Variants in KLKB1 observed in about 807,000 individuals in gnomAD.
KLKB1 encodes the protein kallikrein B1.
KLKB1 carries 58 observed loss-of-function variants against 73.6 expected under a neutral mutation model. That is an observed-to-expected ratio of 0.79 (90% CI 0.64 to 0.98). The LOEUF (loss-of-function observed/expected upper bound fraction) is 0.98. Ranked by LOEUF, KLKB1 falls within the 50% of genes least tolerant of loss-of-function variation. The probability of loss-of-function intolerance (pLI) is 0.00; values close to 1 mark genes in which losing one functional copy is unlikely to be tolerated. For synonymous variants in KLKB1, 280 were observed against 258.1 expected (o/e 1.08, Z -0.81); for missense variants, 737 against 763.8 (o/e 0.96, Z 0.41).
chr4:186,223,476 A>G (rs1038014658), upstream of KLKB1, among the ~76,000 whole-genome samples: 16 of 152,202 alleles, frequency 1.1e-4, no homozygotes, highest in Admixed American at 2.6e-4. Context: ...ACGAGAAACT[A>G]TTGGGAACTG....
At chr4:186,234,371 C>T (rs1056404817) in intron 4 of KLKB1, among the ~76,000 whole-genome samples, 19 of 152,314 alleles carry the variant, frequency 1.2e-4, no homozygotes, top group Middle Eastern at 3.4e-3. Context: ...CACAAGGGAA[C>T]ATCTCTCTCA....
intron 11 of KLKB1, among the ~76,000 whole-genome samples, chr4:186,253,634 ATC>A (rs1364059729): frequency 1.1e-5 from 1 of 88,646 alleles, no homozygotes; most frequent in African/African-American, 4.0e-5. Flanking sequence ...TGCACCTGAT[ATC>A]TCCATCATTT....
At chr4:186,224,346 G>C (rs1045888753), upstream of KLKB1, among the ~76,000 whole-genome samples, 1 of 152,146 alleles carries the variant, frequency 6.6e-6, no homozygotes, top group Non-Finnish European at 1.5e-5. Context: ...TAGATCCACT[G>C]ACTGGAAAGT....
At chr4:186,253,484 ATAG>A (rs1231224287) in intron 11 of KLKB1, among the ~76,000 whole-genome samples, 1 of 152,192 alleles carries the variant, frequency 6.6e-6, no homozygotes, top group Non-Finnish European at 1.5e-5. Context: ...AAGATGGGAA[ATAG>A]TAGGTGTCTT....
chr4:186,254,878 G>A (rs1045623176), intron 12 of KLKB1, 115 bp downstream of exon 12: 11 of 901,222 alleles, frequency 1.2e-5, no homozygotes, highest in Non-Finnish European at 1.7e-5. Context: ...GACTGGTGGA[G>A]TTGAGGGAAA....
chr4:186,246,254 T>C (rs1192004995), intron 6 of KLKB1, among the ~76,000 whole-genome samples: 1 of 151,428 alleles, frequency 6.6e-6, no homozygotes, highest in Non-Finnish European at 1.5e-5. Flanking sequence ...GTCAGATGGG[T>C]CCATAGAAAA....
chr4:186,238,379 T>A lies in KLKB1; in HGVS notation c.598+14T>A. The A allele has an allele frequency of 6.5e-7, 1 of 1,545,468 alleles. No homozygotes were observed. The highest frequency in any genetic ancestry group is 1.4e-5 in the African/African-American group (1 of 73,668). ...TTTCAGAAATTGGTAATTGTAGGAC[T>A]ACTTCACTTTGTGATTGTGGTAGGT... On this transcript the variant is annotated intron_variant, in intron 6 of 14. Transcript: ENST00000264690.
At chr4:186,242,029 T>G (rs1738076601) in intron 6 of KLKB1, among the ~76,000 whole-genome samples, 1 of 152,136 alleles carries the variant, frequency 6.6e-6, no homozygotes, top group African/African-American at 2.4e-5. Context: ...ATCACCTGGG[T>G]GCAGGCAGGC....
At chr4:186,232,793 GA>G (rs755643938) in intron 3 of KLKB1, among the ~76,000 whole-genome samples, 1 of 152,200 alleles carries the variant, frequency 6.6e-6, no homozygotes, top group Non-Finnish European at 1.5e-5. Flanking sequence ...GGCCTATAGT[GA>G]GCCAGTTTGG....
intron 2 of KLKB1, among the ~76,000 whole-genome samples, chr4:186,213,978 T>C (rs932553844): frequency 1.4e-4 from 22 of 152,178 alleles, no homozygotes; most frequent in African/African-American, 4.8e-4. Flanking sequence ...TTCCCCAGCA[T>C]ACACACACTG....
At chr4:186,251,426 G>A (rs1246854528) in intron 8 of KLKB1, 61 bp from the exon 9 acceptor site, 1 of 1,562,840 alleles carries the variant, frequency 6.4e-7, no homozygotes, top group Non-Finnish European at 8.8e-7. Context: ...ACAGAAACTT[G>A]TGTAAATGTC....
chr4:186,245,838 A>ATTTTTTTTTTTTTTTTTTT (rs1554078512), intron 6 of KLKB1, among the ~76,000 whole-genome samples: 1 of 68,468 alleles, frequency 1.5e-5, no homozygotes, highest in African/African-American at 4.0e-5. Flanking sequence ...TTTTTTTTTA[A>ATTTTTTTTTTTTTTTTTTT]TGTCAGGAGC....
chr4:186,234,568 G>A (rs552829765), intron 4 of KLKB1, among the ~76,000 whole-genome samples: 1 of 152,302 alleles, frequency 6.6e-6, no homozygotes, highest in South Asian at 2.1e-4. Context: ...AAGGCACAGG[G>A]CAGTCGTCCA....
intron 14 of KLKB1, 50 bp from the exon 15 acceptor site, chr4:186,257,971 A>G (rs1387769475): frequency 1.3e-6 from 2 of 1,531,782 alleles, no homozygotes; most frequent in South Asian, 2.2e-5. Context: ...CACTTATTTG[A>G]ATCCCATTGT....
At chr4:186,247,535 T>G (rs1036072379) in intron 6 of KLKB1, among the ~76,000 whole-genome samples, 1 of 152,170 alleles carries the variant, frequency 6.6e-6, no homozygotes, top group African/African-American at 2.4e-5. Context: ...CTTCAGTTAC[T>G]TCAGGCCATC....
chr4:186,227,010 G>A (rs934882906), upstream of KLKB1, among the ~76,000 whole-genome samples: 1 of 152,152 alleles, frequency 6.6e-6, no homozygotes, highest in African/African-American at 2.4e-5. Context: ...CTGGCCTGTG[G>A]CAGGCCTGAA....
upstream of KLKB1, among the ~76,000 whole-genome samples, chr4:186,224,385 G>C (rs563824047): frequency 1.8e-4 from 28 of 152,332 alleles, 1 homozygote; most frequent in Middle Eastern, 6.8e-3. Flanking sequence ...GCCCATGAAG[G>C]CAGCCGTAGG....
At chr4:186,236,630 T>C (rs1737702597) in intron 4 of KLKB1, 151 bp from the exon 5 acceptor site, 2 of 676,902 alleles carry the variant, frequency 3.0e-6, no homozygotes, top group East Asian at 5.4e-5. Context: ...TTTATGTACA[T>C]AATAAAAATT....
At chr4:186,223,216 G>A (rs1255740754), upstream of KLKB1, among the ~76,000 whole-genome samples, 1 of 152,148 alleles carries the variant, frequency 6.6e-6, no homozygotes, top group East Asian at 1.9e-4. Flanking sequence ...ATATCTTTTA[G>A]CAGTGTGAAA....
Sources: allele counts gnomAD v4.1 joint callset (sites outside exome capture counted in the v4.1 genomes callset), GRCh38; gene constraint gnomAD v4.1.1; transcripts MANE v1.5; gene names NCBI Gene and HGNC (gene_info 2026-07-23, HGNC 2026-07-21).